The following USH2A variants were observed in gnomAD, a reference collection of about 807,000 sequenced individuals.
USH2A encodes Usher syndrome 2A (autosomal recessive, mild).
Under a neutral mutation model 538.9 loss-of-function variants are expected in USH2A, and 443 were observed. That is an observed-to-expected ratio of 0.82 (90% CI 0.76 to 0.89). USH2A has a LOEUF of 0.89. Ranked by LOEUF, USH2A falls within the 40% of genes least tolerant of loss-of-function variation. USH2A has a pLI of 0.00. For synonymous variants in USH2A, 2,413 were observed against 2,273.5 expected (o/e 1.06, Z -1.75); for missense variants, 6,633 against 6,324.8 (o/e 1.05, Z -1.65).
chr1:215,723,905 C>T (rs1659732920), intron 61 of USH2A, among the ~76,000 whole-genome samples: 2 of 151,978 alleles, frequency 1.3e-5, no homozygotes, highest in South Asian at 2.1e-4. Flanking sequence ...GTAGAATTAC[C>T]GTTCAATCCA....
intron 4 of USH2A, among the ~76,000 whole-genome samples, chr1:216,361,406 G>A (rs1245203932): frequency 2.0e-5 from 3 of 152,062 alleles, no homozygotes; most frequent in African/African-American, 7.2e-5. Context: ...GACTAAATTA[G>A]ACTCATTAAA....
intron 50 of USH2A, among the ~76,000 whole-genome samples, chr1:215,795,990 CAT>C (rs1662121678): frequency 7.8e-6 from 1 of 129,008 alleles, no homozygotes; most frequent in Non-Finnish European, 1.7e-5. Context: ...AACATTCTAA[CAT>C]ATTTATGAAA....
intron 38 of USH2A, among the ~76,000 whole-genome samples, chr1:215,914,708 T>A (rs11577499): frequency 0.16 from 24,561 of 152,126 alleles, 2,131 homozygotes; most frequent in African/African-American, 0.2. Context: ...AGTTATGAAC[T>A]TCACCACAAT....
intron 38 of USH2A, among the ~76,000 whole-genome samples, chr1:215,920,324 T>C (rs547740720): frequency 6.8e-4 from 104 of 152,216 alleles, no homozygotes; most frequent in African/African-American, 2.5e-3. Context: ...TCCTCACTTA[T>C]AATTTAATAT....
intron 67 of USH2A, among the ~76,000 whole-genome samples, chr1:215,642,242 T>G (rs1220992926): frequency 6.6e-6 from 1 of 152,212 alleles, no homozygotes; most frequent in Non-Finnish European, 1.5e-5. Flanking sequence ...TGACATACTT[T>G]ATCTCATTTA....
At chr1:216,269,906 C>T (rs2036543472) in intron 11 of USH2A, among the ~76,000 whole-genome samples, 1 of 152,048 alleles carries the variant, frequency 6.6e-6, no homozygotes, top group Admixed American at 6.6e-5. Context: ...GCAATAATTA[C>T]CCCAGTCAGT....
chr1:216,036,011 A>G (rs1446794233), intron 32 of USH2A, among the ~76,000 whole-genome samples: 1 of 152,180 alleles, frequency 6.6e-6, no homozygotes, highest in African/African-American at 2.4e-5. Context: ...TTGATATGGA[A>G]GAGTCTATGA....
At chr1:216,170,230 CA>C (rs1411220878) in intron 21 of USH2A, among the ~76,000 whole-genome samples, 1 of 151,926 alleles carries the variant, frequency 6.6e-6, no homozygotes, top group Non-Finnish European at 1.5e-5. Flanking sequence ...TGCTCTTAAA[CA>C]TATTGATTTT....
rs904382870 is a variant in USH2A at position 216,253,180 on chromosome 1, C to A, written c.1972-2082G>T. ...TTTTTTTTTTTGAGATGGAGTTTAA[C>A]TCTTGAAAAATGATTGAAACAGACA... On this transcript the variant is annotated intron_variant, in intron 11 of 71. Transcript: ENST00000307340. Among the ~76,000 whole-genome samples the A allele has an allele frequency of 6.2e-5, 9 of 145,048 alleles. No individual in the cohort carries two copies. The Admixed American group carries it at 6.3e-4, about 10-fold the overall frequency.
intron 43 of USH2A, among the ~76,000 whole-genome samples, chr1:215,873,497 T>C (rs1192286636): frequency 6.6e-6 from 1 of 152,178 alleles, no homozygotes; most frequent in Non-Finnish European, 1.5e-5. Flanking sequence ...TTTAATCTCA[T>C]TACAAAGAAG....
chr1:216,413,055 A>T (rs1479197015), intron 3 of USH2A, among the ~76,000 whole-genome samples: 2 of 152,122 alleles, frequency 1.3e-5, no homozygotes, highest in Admixed American at 6.6e-5. Context: ...GAAAAACTTC[A>T]TTATATTCTA....
chr1:215,729,977 A>C (rs1157688532), intron 60 of USH2A, among the ~76,000 whole-genome samples: 5 of 152,202 alleles, frequency 3.3e-5, no homozygotes, highest in African/African-American at 9.7e-5. Flanking sequence ...TGTCTTCCCC[A>C]AAACCTGGTA....
chr1:216,418,427 T>C, intron 3 of USH2A, 87 bp downstream of exon 3: 2 of 1,480,866 alleles, frequency 1.4e-6, no homozygotes, highest in Non-Finnish European at 1.9e-6. Context: ...CTGCTGCAGA[T>C]TTTGTGAGTA....
chr1:215,714,775 C>T (rs1370707792), intron 61 of USH2A, among the ~76,000 whole-genome samples: 1 of 152,098 alleles, frequency 6.6e-6, no homozygotes, highest in Non-Finnish European at 1.5e-5. Context: ...GAGGATTGTG[C>T]AGTTTTAGAG....
At chr1:216,096,428 A>G (rs2032442046) in intron 22 of USH2A, among the ~76,000 whole-genome samples, 1 of 152,230 alleles carries the variant, frequency 6.6e-6, no homozygotes, top group African/African-American at 2.4e-5. Context: ...ATACAGACAT[A>G]TAATCTTGTC....
chr1:215,900,654 T>C, intron 39 of USH2A, 101 bp downstream of exon 39: 1 of 1,477,316 alleles, frequency 6.8e-7, no homozygotes, highest in Non-Finnish European at 9.4e-7. Context: ...TTTTAAAAGG[T>C]AACCTATATT....
intron 38 of USH2A, among the ~76,000 whole-genome samples, chr1:215,919,108 C>A (rs1248789243): frequency 6.6e-6 from 1 of 151,988 alleles, no homozygotes; most frequent in African/African-American, 2.4e-5. Flanking sequence ...ACCCCCAATT[C>A]CCAAGAATTT....
chr1:215,667,730 G>A (rs1480988420), intron 64 of USH2A, among the ~76,000 whole-genome samples: 3 of 149,702 alleles, frequency 2.0e-5, no homozygotes, highest in Non-Finnish European at 4.5e-5. Context: ...AAACAAAGAA[G>A]AAGGAAAAAA....
intron 21 of USH2A, among the ~76,000 whole-genome samples, chr1:216,155,692 T>A (rs1274675226): frequency 6.6e-6 from 1 of 152,216 alleles, no homozygotes. Flanking sequence ...TGGCTTAAAT[T>A]AAACTTTTTA....
Sources: allele counts gnomAD v4.1 joint callset (sites outside exome capture counted in the v4.1 genomes callset), GRCh38; gene constraint gnomAD v4.1.1; transcripts MANE v1.5; gene names NCBI Gene and HGNC (gene_info 2026-07-23, HGNC 2026-07-21).